The following ZFAT variants were observed in gnomAD, a reference collection of about 807,000 sequenced individuals.
The protein encoded by ZFAT is zinc finger protein ZFAT.
ZFAT carries 64 observed loss-of-function variants against 117.7 expected under a neutral mutation model. The ratio of observed to expected loss-of-function variants is 0.54; its 90% CI spans 0.44 to 0.67. ZFAT has a LOEUF of 0.67. Ranked by LOEUF, ZFAT falls within the 30% of genes least tolerant of loss-of-function variation. The pLI is 0.00. For missense variants in ZFAT, 1,433 were observed against 1,584.5 expected, an observed-to-expected ratio of 0.90 and a Z score of 1.62; for synonymous variants, 679 against 615.0, an observed-to-expected ratio of 1.10 and a Z score of -1.54.
intron 3 of ZFAT, among the ~76,000 whole-genome samples, chr8:134,623,417 G>A (rs554632973): frequency 2.0e-5 from 3 of 152,262 alleles, no homozygotes; most frequent in African/African-American, 7.2e-5. Flanking sequence ...TAGACTCCAC[G>A]TGGGGCGGCA....
intron 15 of ZFAT, among the ~76,000 whole-genome samples, chr8:134,492,400 G>C (rs1668045630): frequency 6.6e-6 from 1 of 152,122 alleles, no homozygotes; most frequent in African/African-American, 2.4e-5. Context: ...GAAATTCGTA[G>C]ACTCCATGTT....
the ZFAT span, among the ~76,000 whole-genome samples, chr8:134,736,258 G>A: frequency 3.3e-4 from 50 of 152,264 alleles, no homozygotes; most frequent in African/African-American, 1.1e-3. Flanking sequence ...CCTACTGCAG[G>A]TGGCCTTGTT....
chr8:134,616,787 A>C (rs756218112), intron 3 of ZFAT, among the ~76,000 whole-genome samples: 1 of 152,180 alleles, frequency 6.6e-6, no homozygotes, highest in Non-Finnish European at 1.5e-5. Flanking sequence ...GCAGAGAGGT[A>C]GTGGGCATGC....
chr8:134,632,555 C>T (rs1313952188), intron 3 of ZFAT, among the ~76,000 whole-genome samples: 1 of 152,010 alleles, frequency 6.6e-6, no homozygotes, highest in Admixed American at 6.6e-5. Context: ...TACATAAAAC[C>T]ATACAGATAA....
At chr8:134,512,245 T>C (rs1232623280) in intron 14 of ZFAT, among the ~76,000 whole-genome samples, 3 of 152,252 alleles carry the variant, frequency 2.0e-5, no homozygotes, top group Admixed American at 2.0e-4. Flanking sequence ...TGTGAGGGAC[T>C]CTTGCGGCCC....
rs920922195 is a variant in ZFAT at position 134,602,685 on chromosome 8, A to T, written c.1034T>A (p.Ile345Asn). 6.2e-7 allele frequency: 1 copy of T among 1,614,166 alleles called. No individual in the cohort carries two copies. Among genetic ancestry groups the T allele is most frequent in the Non-Finnish European group, 8.5e-7 (1 of 1,180,034 alleles). Reference protein sequence around the residue: ...CLSKGHLKVHIERVHKKIKQH... With the variant: ...CLSKGHLKVHNERVHKKIKQH... ...CTTGATCTTCTTGTGCACTCGCTCG[A>T]TGTGCACCTTGAGGTGGCCCTTGCT... The change falls in exon 6 of 16, where the codon ATC becomes AAC. Residue 345 changes from isoleucine (I) to asparagine (N), a missense_variant. By Grantham distance (149) the Ile-to-Asn change is moderately radical. This residue lies in a region of ZFAT where 436 missense variants were observed against 482.0 expected (regional missense o/e 0.90). Coordinates refer to ENST00000377838, the MANE Select transcript of ZFAT (RefSeq NM_020863.4).
At chr8:134,491,864 G>A (rs1038730914) in intron 15 of ZFAT, among the ~76,000 whole-genome samples, 4 of 152,210 alleles carry the variant, frequency 2.6e-5, no homozygotes, top group Non-Finnish European at 5.9e-5. Flanking sequence ...GGATGAGGAC[G>A]TGGACATCTC....
intron 14 of ZFAT, chr8:134,510,211 T>G (rs954845146): frequency 2.2e-6 from 1 of 450,166 alleles, no homozygotes; most frequent in East Asian, 7.0e-5. Context: ...GATGTATCAA[T>G]TATTCAACGA....
upstream of ZFAT, among the ~76,000 whole-genome samples, chr8:134,714,877 C>T (rs1814188879): frequency 1.3e-5 from 2 of 152,034 alleles, no homozygotes; most frequent in South Asian, 4.1e-4. Flanking sequence ...TCCAAGAGAG[C>T]CAGTTCCAAG....
chr8:134,579,487 G>A (rs1216919378), intron 10 of ZFAT, among the ~76,000 whole-genome samples: 1 of 152,078 alleles, frequency 6.6e-6, no homozygotes, highest in African/African-American at 2.4e-5. Context: ...AGAACAGTAT[G>A]GGGGAAACTG....
chr8:134,571,106 G>A (rs1338164663), intron 10 of ZFAT, among the ~76,000 whole-genome samples: 3 of 152,242 alleles, frequency 2.0e-5, no homozygotes, highest in African/African-American at 7.2e-5. Flanking sequence ...GGAGATGAGA[G>A]TGGACAAGAC....
the ZFAT span, among the ~76,000 whole-genome samples, chr8:134,725,242 A>C: frequency 6.6e-6 from 1 of 152,208 alleles, no homozygotes; most frequent in Non-Finnish European, 1.5e-5. Flanking sequence ...TCAGGGCACA[A>C]GTTCAAGCGC....
chr8:134,650,127 CT>C (rs746564611), intron 2 of ZFAT, among the ~76,000 whole-genome samples: 1,706 of 143,702 alleles, frequency 0.012, 19 homozygotes, highest in African/African-American at 0.037. Flanking sequence ...TATTTTTTTT[CT>C]TTTTTTTTTT....
At chr8:134,832,303 G>A in the ZFAT span, among the ~76,000 whole-genome samples, 7 of 151,912 alleles carry the variant, frequency 4.6e-5, no homozygotes, top group African/African-American at 1.7e-4. Context: ...TGTGTCTGAG[G>A]GAGAGCGGCT....
chr8:134,511,410 C>T (rs1253912470), intron 14 of ZFAT, among the ~76,000 whole-genome samples: 1 of 152,168 alleles, frequency 6.6e-6, no homozygotes, highest in Non-Finnish European at 1.5e-5. Flanking sequence ...TCGACTCTCC[C>T]GTCTGCAGAA....
At chr8:134,785,778 T>TAAAAAA in the ZFAT span, 2 of 148,294 alleles carry the variant, frequency 1.3e-5, no homozygotes, top group Non-Finnish European at 1.5e-5. Context: ...TTTTCCTGTT[T>TAAAAAA]AAAAAAAAAA....
chr8:134,812,578 T>C, the ZFAT span, among the ~76,000 whole-genome samples: 1 of 152,102 alleles, frequency 6.6e-6, no homozygotes, highest in Non-Finnish European at 1.5e-5. Context: ...CTACTAAAAA[T>C]ACAAAAATTA....
At chr8:134,776,406 C>T in the ZFAT span, among the ~76,000 whole-genome samples, 2 of 152,194 alleles carry the variant, frequency 1.3e-5, no homozygotes, top group African/African-American at 4.8e-5. Context: ...CAGGCTCAAG[C>T]GATTCTCCCA....
chr8:134,620,771 C>G (rs755531023), intron 3 of ZFAT, among the ~76,000 whole-genome samples: 31 of 152,288 alleles, frequency 2.0e-4, no homozygotes, highest in Non-Finnish European at 3.8e-4. Flanking sequence ...AGAGAAAACC[C>G]GGTTGAGTCC....
Sources: gnomAD v4.1 joint callset for allele counts (sites outside exome capture counted in the v4.1 genomes callset) on GRCh38, gnomAD v4.1.1 for gene constraint, gnomAD v4.1.1 regional missense constraint, MANE v1.5 for transcripts, NCBI Gene and HGNC (gene_info 2026-07-23, HGNC 2026-07-21) for gene names.